Variants in LRP1B observed in about 807,000 individuals in gnomAD.
LRP1B encodes the protein low-density lipoprotein receptor-related protein 1B.
In LRP1B, 217 loss-of-function variants were observed where a neutral mutation model predicts 556.6. The ratio of observed to expected loss-of-function variants is 0.39; its 90% CI spans 0.35 to 0.44. LRP1B has a LOEUF of 0.44. Ranked by LOEUF, LRP1B falls within the 20% of genes least tolerant of loss-of-function variation. The pLI, the probability that LRP1B is intolerant of heterozygous loss-of-function variation, is 1.00. For synonymous variants in LRP1B, 2,047 were observed against 1,865.8 expected, an observed-to-expected ratio of 1.10 and a Z score of -2.50; for missense variants, 5,053 against 5,620.8, an observed-to-expected ratio of 0.90 and a Z score of 3.23.
intron 1 of LRP1B, among the ~76,000 whole-genome samples, chr2:141,999,592 TTTG>T (rs1310796599): frequency 9.2e-5 from 14 of 151,888 alleles, no homozygotes; most frequent in Admixed American, 6.6e-4. Context: ...AAAAGTAGAG[TTTG>T]TTAATAGGTT....
chr2:141,912,926 T>C (rs937348550), intron 1 of LRP1B, among the ~76,000 whole-genome samples: 2 of 152,198 alleles, frequency 1.3e-5, no homozygotes, highest in Non-Finnish European at 2.9e-5. Flanking sequence ...ACTCTATGTC[T>C]TTGGGTTTTA....
intron 43 of LRP1B, among the ~76,000 whole-genome samples, chr2:140,572,005 G>T (rs1353669700): frequency 6.6e-6 from 1 of 151,562 alleles, no homozygotes; most frequent in Non-Finnish European, 1.5e-5. Context: ...ATGGATTAAA[G>T]ACTTAAATGT....
chr2:140,848,358 G>A (rs1008228399), intron 29 of LRP1B, among the ~76,000 whole-genome samples: 3 of 152,096 alleles, frequency 2.0e-5, no homozygotes, highest in Admixed American at 6.6e-5. Context: ...CAGCAAGTTC[G>A]AAATAAATAT....
Position 140,485,528 on chromosome 2 carries a change from C to T in LRP1B, c.9244-4G>A, listed in dbSNP as rs1183487273. The T allele has an allele frequency of 6.2e-7, 1 of 1,606,102 alleles. No homozygotes were observed. The highest frequency in any genetic ancestry group is 8.5e-7 in the Non-Finnish European group (1 of 1,176,994). The stretch of plus-strand genomic sequence containing the variant: ...GGACCGCTGTGTTATGAACTACCTA[C>T]AAAACAAGAATTTAAAAGGTTAACA... On this transcript the variant is annotated splice_polypyrimidine_tract_variant and splice_region_variant and intron_variant, in intron 58 of 90. Transcript: ENST00000389484.
At chr2:142,055,872 C>T (rs1036261006) in intron 1 of LRP1B, among the ~76,000 whole-genome samples, 2 of 152,060 alleles carry the variant, frequency 1.3e-5, no homozygotes, top group African/African-American at 2.4e-5. Flanking sequence ...CACAATACGC[C>T]GGGCACAGTG....
intron 31 of LRP1B, among the ~76,000 whole-genome samples, chr2:140,820,251 A>G (rs1202123720): frequency 6.6e-6 from 1 of 152,198 alleles, no homozygotes; most frequent in Non-Finnish European, 1.5e-5. Context: ...AAGTACTGGA[A>G]TTACAGGCAT....
At chr2:141,256,731 G>T (rs1684478772) in intron 3 of LRP1B, among the ~76,000 whole-genome samples, 1 of 151,992 alleles carries the variant, frequency 6.6e-6, no homozygotes, top group Non-Finnish European at 1.5e-5. Context: ...AGAAAATATT[G>T]TTTGTCTTTG....
At chr2:140,704,518 A>G (rs1686757700) in intron 37 of LRP1B, among the ~76,000 whole-genome samples, 1 of 151,804 alleles carries the variant, frequency 6.6e-6, no homozygotes, top group African/African-American at 2.4e-5. Flanking sequence ...TTGGTAAGAT[A>G]TAATTGAAGC....
chr2:141,546,687 TA>T (rs1685565459), intron 2 of LRP1B, among the ~76,000 whole-genome samples: 1 of 152,196 alleles, frequency 6.6e-6, no homozygotes, highest in Admixed American at 6.6e-5. Flanking sequence ...GCTTGCATTT[TA>T]CTTTTGAAAA....
chr2:140,385,226 C>T lies in LRP1B; in HGVS notation c.10531+667G>A, dbSNP rs368059396. Among the ~76,000 whole-genome samples, 7 of 152,262 alleles carry T rather than the reference C, an allele frequency of 4.6e-5. No individual in the cohort carries two copies. The East Asian group carries it at 9.7e-4, about 21-fold the overall frequency. Reference sequence around the variant, plus strand: ...TGCCACTGCTCTCCAGCCTGAGCAACAGGGTGAGACCCTCTCTCAAAAAAT... The same window carrying T: ...TGCCACTGCTCTCCAGCCTGAGCAATAGGGTGAGACCCTCTCTCAAAAAAT... On this transcript the variant is annotated intron_variant, in intron 67 of 90. Coordinates refer to ENST00000389484, the MANE Select transcript of LRP1B (RefSeq NM_018557.3).
At chr2:141,679,139 C>G (rs572999163) in intron 2 of LRP1B, among the ~76,000 whole-genome samples, 1 of 152,160 alleles carries the variant, frequency 6.6e-6, no homozygotes, top group East Asian at 1.9e-4. Flanking sequence ...GAATCTGAGA[C>G]CCTCGGTATA....
intron 3 of LRP1B, among the ~76,000 whole-genome samples, chr2:141,465,465 C>T (rs1682151880): frequency 6.6e-6 from 1 of 152,100 alleles, no homozygotes; most frequent in Admixed American, 6.5e-5. Flanking sequence ...GCAGGTAGCC[C>T]TCACTGGCTC....
At chr2:140,504,764 C>T (rs1005948455) in intron 53 of LRP1B, among the ~76,000 whole-genome samples, 1 of 152,158 alleles carries the variant, frequency 6.6e-6, no homozygotes, top group African/African-American at 2.4e-5. Context: ...AAGTCTGACA[C>T]ATTCTGTACC....
intron 2 of LRP1B, among the ~76,000 whole-genome samples, chr2:141,712,910 C>T (rs947517387): frequency 8.9e-5 from 13 of 145,604 alleles, no homozygotes; most frequent in African/African-American, 2.8e-4. Context: ...TAACTCCTGA[C>T]CTCATGACCT....
chr2:141,254,407 A>G, intron 4 of LRP1B, 115 bp downstream of exon 4: 2 of 1,035,806 alleles, frequency 1.9e-6, no homozygotes, highest in Non-Finnish European at 2.8e-6. Context: ...CTCAAGAAAG[A>G]AAAGTTAACA....
chr2:140,785,242 A>G (rs7571628), intron 32 of LRP1B, among the ~76,000 whole-genome samples: 64,314 of 152,062 alleles, frequency 0.42, 15,261 homozygotes, highest in East Asian at 0.58. Flanking sequence ...GTCTTGATAA[A>G]TCTGCTTCAC....
intron 1 of LRP1B, among the ~76,000 whole-genome samples, chr2:142,050,706 T>C (rs1312154460): frequency 6.6e-6 from 1 of 152,116 alleles, no homozygotes; most frequent in African/African-American, 2.4e-5. Context: ...TTATATGAAG[T>C]AAAACTCCCA....
intron 86 of LRP1B, among the ~76,000 whole-genome samples, chr2:140,268,742 G>C (rs1183402472): frequency 1.3e-5 from 2 of 151,770 alleles, no homozygotes; most frequent in African/African-American, 4.8e-5. Context: ...ACTGAATCAA[G>C]AAAGAATGAC....
chr2:140,335,885 T>C (rs372997781), intron 77 of LRP1B, 47 bp from the exon 78 acceptor site: 117 of 1,221,752 alleles, frequency 9.6e-5, no homozygotes, highest in Non-Finnish European at 1.4e-4. Context: ...AACAGGAAAT[T>C]AGCGGAGTTT....
Sources: allele counts gnomAD v4.1 joint callset (sites outside exome capture counted in the v4.1 genomes callset), GRCh38; gene constraint gnomAD v4.1.1; transcripts MANE v1.5; gene names NCBI Gene and HGNC (gene_info 2026-07-23, HGNC 2026-07-21).